Variants in CENPE observed in about 807,000 individuals in gnomAD.
CENPE encodes centromere protein E, also known as centromere-associated protein E.
In CENPE, 145 loss-of-function variants were observed where a neutral mutation model predicts 336.1. That is an observed-to-expected ratio of 0.43 (90% confidence interval 0.38 to 0.50). The LOEUF is 0.50. Among genes scored for constraint, CENPE ranks in the 20% least tolerant of loss-of-function variants. The pLI is 0.00. For synonymous variants in CENPE, 1,013 were observed against 984.8 expected, an observed-to-expected ratio of 1.03 and a Z score of -0.54; for missense variants, 2,719 against 3,023.3, an observed-to-expected ratio of 0.90 and a Z score of 2.36.
intron 46 of CENPE, among the ~76,000 whole-genome samples, chr4:103,111,615 A>AGT (rs1749438556): frequency 6.6e-6 from 1 of 152,198 alleles, no homozygotes; most frequent in Non-Finnish European, 1.5e-5. Flanking sequence ...AAAGAGGGAT[A>AGT]GTGTGTGTGT....
chr4:103,184,700 AC>A (rs1471348744), intron 9 of CENPE, among the ~76,000 whole-genome samples: 1 of 152,120 alleles, frequency 6.6e-6, no homozygotes, highest in East Asian at 1.9e-4. Context: ...GACAATTCAC[AC>A]AGTTTTAATT....
At chr4:103,175,658 A>T (rs1755792626) in intron 15 of CENPE, among the ~76,000 whole-genome samples, 1 of 152,122 alleles carries the variant, frequency 6.6e-6, no homozygotes, top group Non-Finnish European at 1.5e-5. Context: ...TTTTAAAATC[A>T]GTCTTGTTAC....
At chr4:103,161,758 A>G (rs1754462667) in intron 18 of CENPE, among the ~76,000 whole-genome samples, 1 of 152,120 alleles carries the variant, frequency 6.6e-6, no homozygotes, top group Admixed American at 6.5e-5. Context: ...GAAGTTTTCT[A>G]TGTATTTTTA....
chr4:103,168,026 C>G (rs1202524689), intron 16 of CENPE, among the ~76,000 whole-genome samples: 1 of 152,174 alleles, frequency 6.6e-6, no homozygotes. Context: ...TCTGAGCCAC[C>G]AGGACAGGCT....
chr4:103,158,452 C>T lies in CENPE; in HGVS notation c.2881G>A (p.Asp961Asn). Residue 961 changes from aspartate (D) to asparagine (N), a missense_variant, in exon 24 of 49, where the codon GAT (aspartate) becomes AAT (asparagine). Coordinates refer to ENST00000265148, the MANE Select transcript of CENPE (RefSeq NM_001813.3). ...GCATTTCGTAATTGTTCTTGAGTAT[C>T]TATATTCTTTGTTAGAAAAATATAA... ...DIHDTVNMNI[D>N]TQEQLRNALE... is the part of the protein sequence containing the mutation. 1 of 1,554,368 alleles carries T rather than the reference C, an allele frequency of 6.4e-7. No homozygotes were observed. Among genetic ancestry groups the T allele is most frequent in the African/African-American group, 1.4e-5 (1 of 72,126 alleles).
chr4:103,160,733 C>G lies in CENPE; in HGVS notation c.2178G>C (p.Gln726His). 2 of 1,608,964 alleles carry G rather than the reference C, an allele frequency of 1.2e-6. No individual in the cohort carries two copies. The highest frequency in any genetic ancestry group is 1.7e-6 in the Non-Finnish European group (2 of 1,177,464). ...LELEGKITDL[Q>H]KELNKEVEEN... ...CTTCAACTTCTTTATTTAGTTCTTT[C>G]TGAAGATCAGTAATCTTTCCTTCCA... The change falls in exon 21 of 49, where the codon CAG (glutamine) becomes CAC (histidine). Residue 726 changes from glutamine (Q) to histidine (H), a missense_variant. Physicochemically the swap from Gln to His is conservative, Grantham distance 24. Coordinates refer to ENST00000265148, the MANE Select transcript of CENPE (RefSeq NM_001813.3).
intron 16 of CENPE, among the ~76,000 whole-genome samples, chr4:103,170,137 T>C (rs1755274110): frequency 6.6e-6 from 1 of 152,036 alleles, no homozygotes; most frequent in Admixed American, 6.6e-5. Flanking sequence ...CTGTTGGGGA[T>C]TGGGGGCCTA....
At position 103,120,410 on chromosome 4, in the gene CENPE, T is replaced by C. The variant is rs878965938; in HGVS notation, c.7144-77A>G. 4.9e-6 allele frequency: 6 copies of C among 1,228,260 alleles called. No homozygotes were observed. In the South Asian group the frequency reaches 6.9e-5, roughly 14 times the overall value. 76.1% of individuals were successfully genotyped at this position (1,228,260 alleles called of 1,614,324 possible). A position where few individuals can be genotyped will look rare whatever the true frequency, so the allele number is the denominator to read the frequency against. On this transcript the variant is annotated intron_variant, in intron 43 of 48. Transcript: ENST00000265148. Reference sequence around the variant, plus strand: ...GTATAGAAATTTGAGACAGAGATGATCATATTTAGATATTGTTAATTTTTC... The same window carrying C: ...GTATAGAAATTTGAGACAGAGATGACCATATTTAGATATTGTTAATTTTTC...
At chr4:103,142,218 C>A (rs1194855019) in intron 34 of CENPE, among the ~76,000 whole-genome samples, 1 of 152,072 alleles carries the variant, frequency 6.6e-6, no homozygotes, top group African/African-American at 2.4e-5. Flanking sequence ...AAAATCACTA[C>A]AATAAATAAC....
rs550531049 is a variant in CENPE, at chr4:103,123,179, C to A, written c.6925-90G>T. ...ATTTTATTTTCCATGGTTTCAGTTA[C>A]CCTCAGTCAAAAGTGGTCTGAAAAT... On this transcript the variant is annotated intron_variant, in intron 42 of 48. Coordinates refer to ENST00000265148, the MANE Select transcript of CENPE (RefSeq NM_001813.3). 38 of 939,800 alleles carry A rather than the reference C, an allele frequency of 4.0e-5. No individual in the cohort carries two copies. The African/African-American group carries it at 6.1e-4, about 15-fold the overall frequency. 58.2% of individuals were successfully genotyped at this position (939,800 alleles called of 1,614,324 possible).
At chr4:103,146,177 A>T (rs1486059210) in intron 29 of CENPE, 70 bp from the exon 30 acceptor site, 2 of 1,412,102 alleles carry the variant, frequency 1.4e-6, no homozygotes, top group East Asian at 4.6e-5. Context: ...ATAAATCAGG[A>T]TGCTTTCTAA....
rs1003446969 is a variant in CENPE, at chr4:103,114,482, T to C, written c.7513A>G (p.Arg2505Gly). ...GAGGTATCTTGGGCCTGTTGACTTC[T>C]TCTGAGATTTTCTCTCAATAGCCTT... is the stretch of plus-strand genomic sequence containing the variant. ...VIRLLRENLRRSQQAQDTSVI... is the reference protein window; with the variant it reads ...VIRLLRENLRGSQQAQDTSVI... The change falls in exon 46 of 49, where the codon AGA (arginine) becomes GGA (glycine). Residue 2505 changes from arginine to glycine, a missense_variant. By Grantham distance (125) the Arg-to-Gly change is moderately radical. Coordinates refer to ENST00000265148, the MANE Select transcript of CENPE (RefSeq NM_001813.3). 4 of 1,611,348 alleles carry C rather than the reference T, an allele frequency of 2.5e-6. No individual in the cohort carries two copies. Among genetic ancestry groups the C allele is most frequent in the Non-Finnish European group, 3.4e-6 (4 of 1,178,428 alleles).
chr4:103,168,924 A>G (rs1755154350), intron 16 of CENPE, among the ~76,000 whole-genome samples: 2 of 152,244 alleles, frequency 1.3e-5, no homozygotes, highest in South Asian at 4.1e-4. Flanking sequence ...GACCACAAGC[A>G]TCATGATCAG....
At chr4:103,110,282 C>T (rs1362147841) in intron 47 of CENPE, among the ~76,000 whole-genome samples, 2 of 152,056 alleles carry the variant, frequency 1.3e-5, no homozygotes, top group Non-Finnish European at 2.9e-5. Context: ...AACGTTGGAT[C>T]TCTCTCTTTC....
At chr4:103,176,795 A>C in intron 14 of CENPE, 104 bp downstream of exon 14, 1 of 805,500 alleles carries the variant, frequency 1.2e-6, no homozygotes. Flanking sequence ...TGAAATACAC[A>C]GTATTTAAAC....
chr4:103,163,608 C>CAAAAAAAAAAAAAAGA, intron 16 of CENPE, 55 bp from the exon 17 acceptor site: 1 of 300,222 alleles, frequency 3.3e-6, no homozygotes. Context: ...TAAAGCAAAG[C>CAAAAAAAAAAAAAAGA]AAAAAAAAAA....
In CENPE at chr4:103,174,875, A is replaced by C; in HGVS notation, c.1508T>G (p.Leu503Arg). ...TACCAGATTATCATAGTCAGCACGA[A>C]GTGAGTTCAACTCACTTTCTATATT... The part of the protein sequence containing the change: ...QENIESELNS[L>R]RADYDNLVLD... Residue 503 changes from leucine (L) to arginine (R), a missense_variant, in exon 16 of 49, where the codon CTT becomes CGT. Leu to Arg is a moderately radical substitution (Grantham distance 102). Transcript: ENST00000265148. 2 of 1,495,604 alleles carry C rather than the reference A, an allele frequency of 1.3e-6. No homozygotes were observed. The highest frequency in any genetic ancestry group is 1.8e-6 in the Non-Finnish European group (2 of 1,125,914). The allele number at this position is 1,495,604 out of a possible 1,614,324, so 92.6% of individuals were successfully genotyped here. A position where few individuals can be genotyped will look rare whatever the true frequency, so the allele number is the denominator to read the frequency against.
chr4:103,119,806 G>A (rs1189475880), intron 44 of CENPE, among the ~76,000 whole-genome samples: 1 of 151,992 alleles, frequency 6.6e-6, no homozygotes, highest in Non-Finnish European at 1.5e-5. Flanking sequence ...AACAGAGGCA[G>A]TAAGTAGGAA....
chr4:103,196,750 T>C lies in CENPE; in HGVS notation c.148+9A>G. 2 of 1,390,266 alleles carry C rather than the reference T, an allele frequency of 1.4e-6. No homozygotes were observed. The highest frequency in any genetic ancestry group is 2.0e-6 in the Non-Finnish European group (2 of 982,472). 86.1% of individuals were successfully genotyped at this position (1,390,266 alleles called of 1,614,324 possible). ...AACAAGGTAACTTTTGATGCTATTATAAGCTTACCAAAATTGAAGGATTTA... is the reference window on the plus strand; with the variant it reads ...AACAAGGTAACTTTTGATGCTATTACAAGCTTACCAAAATTGAAGGATTTA... On this transcript the variant is annotated intron_variant, in intron 2 of 48. Coordinates refer to ENST00000265148, the MANE Select transcript of CENPE (RefSeq NM_001813.3).
Sources: gnomAD v4.1 joint callset for allele counts (sites outside exome capture counted in the v4.1 genomes callset) on GRCh38, gnomAD v4.1.1 for gene constraint, MANE v1.5 for transcripts, NCBI Gene and HGNC (gene_info 2026-07-23, HGNC 2026-07-21) for gene names.